Variants in TRMT11 observed in about 807,000 individuals in gnomAD.
TRMT11 encodes the protein tRNA methyltransferase 11, also known as tRNA (guanine(10)-N(2))-methyltransferase TRMT11.
In TRMT11, 53 loss-of-function variants were observed where a neutral mutation model predicts 62.8. That is an observed-to-expected ratio of 0.84 (90% CI 0.68 to 1.06). TRMT11 has a LOEUF of 1.06. TRMT11 is among the 50% of genes least tolerant of loss of function. TRMT11 has a pLI of 0.00. For missense variants in TRMT11, 556 were observed against 553.4 expected (o/e 1.00, Z -0.05); for synonymous variants, 188 against 190.3 (o/e 0.99, Z 0.10).
At chr6:126,195,544 C>T (rs1185421104) in intron 1 of TRMT11, among the ~76,000 whole-genome samples, 1 of 152,152 alleles carries the variant, frequency 6.6e-6, no homozygotes, top group Non-Finnish European at 1.5e-5. Flanking sequence ...TCTGTCTGGG[C>T]TTTAAAAATA....
intron 17 of TRMT11, among the ~76,000 whole-genome samples, chr6:126,093,632 T>TATATATATATATATATATATATATATA (rs1777307371): frequency 1.1e-5 from 1 of 87,882 alleles, no homozygotes; most frequent in Non-Finnish European, 1.9e-5. Context: ...TATATATATA[T>TATATATATATATATATATATATATATA]TTTCCCCCAG....
At chr6:126,053,090 C>A (rs984399451) in intron 16 of TRMT11, among the ~76,000 whole-genome samples, 1 of 152,024 alleles carries the variant, frequency 6.6e-6, no homozygotes, top group African/African-American at 2.4e-5. Flanking sequence ...CCAAGTTCAT[C>A]TCTGTGTCCT....
At chr6:126,068,537 A>G (rs1426112743) in intron 17 of TRMT11, among the ~76,000 whole-genome samples, 1 of 152,190 alleles carries the variant, frequency 6.6e-6, no homozygotes, top group Non-Finnish European at 1.5e-5. Flanking sequence ...GGCATAATTC[A>G]GTATCAGTTT....
At chr6:125,991,828 A>T (rs910643820) in intron 1 of TRMT11, among the ~76,000 whole-genome samples, 1 of 152,218 alleles carries the variant, frequency 6.6e-6, no homozygotes, top group Non-Finnish European at 1.5e-5. Flanking sequence ...GCAGCTACTT[A>T]ATGTAGTACT....
At chr6:126,129,036 C>T (rs1436644092) in intron 21 of TRMT11, among the ~76,000 whole-genome samples, 1 of 151,346 alleles carries the variant, frequency 6.6e-6, no homozygotes, top group East Asian at 2.0e-4. Flanking sequence ...GGTCTAGTCT[C>T]AGCTCTACCA....
intron 16 of TRMT11, among the ~76,000 whole-genome samples, chr6:126,052,960 T>C (rs1234320728): frequency 6.6e-6 from 1 of 152,180 alleles, no homozygotes; most frequent in Non-Finnish European, 1.5e-5. Context: ...GTGTGATGAA[T>C]CAGCTTTCTG....
chr6:126,227,046 T>C, the TRMT11 span, among the ~76,000 whole-genome samples: 1 of 152,350 alleles, frequency 6.6e-6, no homozygotes, highest in South Asian at 2.1e-4. Flanking sequence ...CTCCCAGCCA[T>C]GTGGAAATGC....
the TRMT11 span, among the ~76,000 whole-genome samples, chr6:126,214,539 C>A: frequency 1.4e-4 from 21 of 151,964 alleles, no homozygotes; most frequent in South Asian, 4.2e-3. Flanking sequence ...CTCATAGTAG[C>A]CTTAATAATC....
chr6:126,268,012 T>A, the TRMT11 span, among the ~76,000 whole-genome samples: 1 of 152,196 alleles, frequency 6.6e-6, no homozygotes, highest in African/African-American at 2.4e-5. Context: ...CATGAAAAAT[T>A]GTGCAAATGA....
chr6:126,162,278 T>C (rs1317562848), intron 21 of TRMT11, among the ~76,000 whole-genome samples: 2 of 152,344 alleles, frequency 1.3e-5, no homozygotes, highest in East Asian at 1.9e-4. Context: ...TTTCTGCATA[T>C]GGCAAAGCCA....
Position 126,102,094 on chromosome 6 carries a change from G to T in TRMT11, c.*1438-10772G>T, listed in dbSNP as rs1214210446. 2.0e-5 allele frequency among the ~76,000 whole-genome samples: 3 copies of T among 152,154 alleles called. No homozygotes were observed. The South Asian group carries it at 6.2e-4, about 32-fold the overall frequency. ...AGGGGATGGGTGCTCTCTCCATGGA[G>T]GCAGTGCAGCTTGCAAACATACAAA... On this transcript the variant is annotated intron_variant and NMD_transcript_variant, in intron 17 of 22. Transcript: ENST00000648977.
chr6:126,082,748 G>A (rs1031027064), intron 17 of TRMT11, among the ~76,000 whole-genome samples: 2 of 152,036 alleles, frequency 1.3e-5, no homozygotes, highest in African/African-American at 2.4e-5. Context: ...GGAATTTTAT[G>A]TCCTATTTAA....
intron 3 of TRMT11, among the ~76,000 whole-genome samples, chr6:125,996,350 A>G (rs1423115463): frequency 2.6e-5 from 4 of 152,254 alleles, no homozygotes; most frequent in African/African-American, 9.6e-5. Context: ...AATTATAACC[A>G]AAGTGCTGAA....
rs1773989959 is a variant in TRMT11 at position 126,030,451 on chromosome 6, C to T, written c.1261-8254C>T. Among the ~76,000 whole-genome samples the T allele has an allele frequency of 2.0e-5, 3 of 152,202 alleles. No individual in the cohort carries two copies. In the South Asian group the frequency reaches 6.2e-4, roughly 31 times the overall value. ...TTCCATCTCTTTGCCTTCTTCCTCA[C>T]ACCTTACTTAAGAATGTATATCATA... On this transcript the variant is annotated intron_variant, in intron 12 of 12. Transcript: ENST00000334379.
intron 7 of TRMT11, among the ~76,000 whole-genome samples, chr6:126,000,221 A>G (rs1430094826): frequency 6.6e-6 from 1 of 152,014 alleles, no homozygotes; most frequent in African/African-American, 2.4e-5. Flanking sequence ...ACTCCATCTG[A>G]CTCTGTGCAG....
intron 17 of TRMT11, among the ~76,000 whole-genome samples, chr6:126,097,932 T>G (rs1777358141): frequency 6.6e-6 from 1 of 152,136 alleles, no homozygotes; most frequent in South Asian, 2.1e-4. Flanking sequence ...TTATGGTAAG[T>G]GGTTTTACAA....
chr6:126,234,238 T>C, the TRMT11 span, among the ~76,000 whole-genome samples: 2 of 152,200 alleles, frequency 1.3e-5, no homozygotes, highest in Non-Finnish European at 2.9e-5. Context: ...GAGGCCCTAG[T>C]TGAAAGTTCA....
intron 17 of TRMT11, among the ~76,000 whole-genome samples, chr6:126,093,092 G>A (rs149902990): frequency 0.014 from 2,099 of 152,264 alleles, 46 homozygotes; most frequent in African/African-American, 0.048. Context: ...ACATAATGGA[G>A]ATGGAAAGAG....
chr6:126,150,679 A>T (rs555714419), intron 21 of TRMT11, among the ~76,000 whole-genome samples: 1 of 152,248 alleles, frequency 6.6e-6, no homozygotes, highest in South Asian at 2.1e-4. Flanking sequence ...CCTCCAAATA[A>T]ACAGAACCAG....
Sources: gnomAD v4.1 joint callset for allele counts (sites outside exome capture counted in the v4.1 genomes callset) on GRCh38, gnomAD v4.1.1 for gene constraint, MANE v1.5 for transcripts, NCBI Gene and HGNC (gene_info 2026-07-23, HGNC 2026-07-21) for gene names.